Variants in HERC2 observed in about 807,000 individuals in gnomAD.
The protein encoded by HERC2 is E3 ubiquitin-protein ligase HERC2.
In HERC2, 102 loss-of-function variants were observed where a neutral mutation model predicts 537.7. The observed-to-expected ratio is 0.19, with a 90% confidence interval of 0.16 to 0.22. HERC2 has a LOEUF of 0.22. HERC2 is among the 10% of genes least tolerant of loss of function. HERC2 has a pLI of 1.00. For missense variants in HERC2, 4,236 were observed against 6,198.2 expected, an observed-to-expected ratio of 0.68 and a Z score of 10.63; for synonymous variants, 2,224 against 2,466.2, an observed-to-expected ratio of 0.90 and a Z score of 2.91.
intron 3 of HERC2, among the ~76,000 whole-genome samples, chr15:28,297,956 G>T (rs1269601697): frequency 6.7e-6 from 1 of 149,044 alleles, no homozygotes; most frequent in Non-Finnish European, 1.5e-5. Context: ...TACGGTGGCA[G>T]AACATGGAGG....
Position 28,111,642 on chromosome 15 carries a change from T to C in HERC2, c.*121A>G, listed in dbSNP as rs1179035360. Reference sequence around the variant, plus strand: ...GCCAGTCAGTCTCTCCACTCCCTCCTCCCGCCTGGCTCGAGGACGGACGCT... The same window carrying C: ...GCCAGTCAGTCTCTCCACTCCCTCCCCCCGCCTGGCTCGAGGACGGACGCT... On this transcript the variant is annotated 3_prime_UTR_variant, in exon 93 of 93. Transcript: ENST00000261609. 6 of 1,058,966 alleles carry C rather than the reference T, an allele frequency of 5.7e-6. No individual in the cohort carries two copies. The highest frequency in any genetic ancestry group is 2.3e-5 in the Admixed American group (1 of 43,768). The allele number at this position is 1,058,966 out of a possible 1,614,324, so 65.6% of individuals were successfully genotyped here.
intron 69 of HERC2, among the ~76,000 whole-genome samples, chr15:28,156,806 G>A (rs1215795502): frequency 1.3e-5 from 2 of 152,222 alleles, no homozygotes; most frequent in Non-Finnish European, 2.9e-5. Context: ...GGAGTGGTGA[G>A]AGAGGGCATC....
intron 2 of HERC2, among the ~76,000 whole-genome samples, chr15:28,301,609 T>C (rs1173115084): frequency 1.4e-5 from 2 of 146,598 alleles, no homozygotes; most frequent in Admixed American, 6.8e-5. Context: ...GAAAACTGCG[T>C]ATGCGACAGA....
At chr15:28,300,943 A>G (rs1356230353) in intron 2 of HERC2, among the ~76,000 whole-genome samples, 2 of 150,336 alleles carry the variant, frequency 1.3e-5, no homozygotes, top group East Asian at 3.9e-4. Flanking sequence ...ATTTTTGAAT[A>G]TATTTGCTTA....
intron 81 of HERC2, 21 bp downstream of exon 81, chr15:28,132,079 C>G: frequency 6.4e-7 from 1 of 1,568,180 alleles, no homozygotes; most frequent in Non-Finnish European, 8.7e-7. Flanking sequence ...GAGCACTGGG[C>G]AGGGAAAGAA....
intron 67 of HERC2, among the ~76,000 whole-genome samples, 199 bp from the exon 68 acceptor site, chr15:28,168,026 C>G (rs1204052801): frequency 6.6e-6 from 1 of 152,160 alleles, no homozygotes; most frequent in Non-Finnish European, 1.5e-5. Context: ...TTTGCAAAGT[C>G]AAGCACATTC....
intron 69 of HERC2, among the ~76,000 whole-genome samples, chr15:28,154,665 C>A (rs902942244): frequency 6.6e-6 from 1 of 152,160 alleles, no homozygotes; most frequent in African/African-American, 2.4e-5. Flanking sequence ...CCAGCAGTAA[C>A]CTCTCAGCCT....
intron 69 of HERC2, among the ~76,000 whole-genome samples, chr15:28,155,401 A>G (rs1195496234): frequency 6.6e-6 from 1 of 152,038 alleles, no homozygotes; most frequent in African/African-American, 2.4e-5. Flanking sequence ...AAGTGCTCCT[A>G]TTTCTCCACA....
At chr15:28,295,795 A>G (rs1370237485) in intron 3 of HERC2, among the ~76,000 whole-genome samples, 3 of 152,202 alleles carry the variant, frequency 2.0e-5, no homozygotes, top group African/African-American at 2.4e-5. Flanking sequence ...TTTCGTGTCC[A>G]TAAATAAAGT....
chr15:28,152,919 C>T, intron 69 of HERC2, 89 bp from the exon 70 acceptor site: 1 of 1,324,912 alleles, frequency 7.5e-7, no homozygotes, highest in Non-Finnish European at 1.0e-6. Flanking sequence ...TGCTCAGGAG[C>T]TCCACAAGGA....
rs2142492730 is a variant in HERC2, at chr15:28,167,819, G to A, written c.10422C>T (p.Ser3474=). The change falls in exon 68 of 93, where the codon TCC becomes TCT. Residue 3474 remains serine (S), a synonymous_variant. Coordinates refer to ENST00000261609, the MANE Select transcript of HERC2 (RefSeq NM_004667.6). Reference sequence around the variant, plus strand: ...CAGAGGGGGTCACTGCGTCCTCAGAGGAAACAATCTAGTCCAAGAGTGCAC... The same window carrying A: ...CAGAGGGGGTCACTGCGTCCTCAGAAGAAACAATCTAGTCCAAGAGTGCAC... The part of the protein sequence containing the change: ...NPWQEKREIV[S]SEDAVTPSAV... The A allele has an allele frequency of 1.2e-6, 2 of 1,612,704 alleles. No homozygotes were observed. Among genetic ancestry groups the A allele is most frequent in the Middle Eastern group, 1.7e-4 (1 of 6,052 alleles).
chr15:28,247,164 GA>G (rs1166024333), intron 21 of HERC2, among the ~76,000 whole-genome samples: 1 of 151,144 alleles, frequency 6.6e-6, no homozygotes, highest in African/African-American at 2.5e-5. Context: ...TTAATTTAAA[GA>G]TTTTTTTTTT....
chr15:28,238,261 G>A, intron 24 of HERC2, 44 bp from the exon 25 acceptor site: 2 of 1,313,528 alleles, frequency 1.5e-6, no homozygotes, highest in Non-Finnish European at 2.2e-6. Context: ...AATTCAGCTT[G>A]CCTGAAGAGA....
At chr15:28,317,229 T>G (rs1222670797) in intron 2 of HERC2, among the ~76,000 whole-genome samples, 4 of 152,152 alleles carry the variant, frequency 2.6e-5, no homozygotes, top group African/African-American at 9.7e-5. Context: ...TAGCTGGGAT[T>G]ACAAGCGCAC....
At chr15:28,254,760 C>A (rs1237306694) in intron 19 of HERC2, among the ~76,000 whole-genome samples, 5 of 152,232 alleles carry the variant, frequency 3.3e-5, no homozygotes, top group Admixed American at 3.3e-4. Flanking sequence ...CTCCAGCATC[C>A]TTCTGTGAAG....
chr15:28,174,639 A>C lies in HERC2; in HGVS notation c.9832-19T>G. The C allele has an allele frequency of 6.7e-7, 1 of 1,496,180 alleles. No homozygotes were observed. The highest frequency in any genetic ancestry group is 9.2e-7 in the Non-Finnish European group (1 of 1,084,318). The allele number at this position is 1,496,180 out of a possible 1,614,324, so 92.7% of individuals were successfully genotyped here. On this transcript the variant is annotated intron_variant, in intron 64 of 92. Transcript: ENST00000261609. ...CATACACCTGTTTACGAGGAGAAAA[A>C]AGCTTATAATTTTTCAACATTTCAG...
In HERC2 at chr15:28,265,925, C is replaced by A; in HGVS notation, c.1648G>T (p.Gly550Trp). The change falls in exon 13 of 93, where the codon GGG (glycine) becomes TGG (tryptophan). Residue 550 changes from glycine to tryptophan, a missense_variant. By Grantham distance (184) the Gly-to-Trp change is radical. Coordinates refer to ENST00000261609, the MANE Select transcript of HERC2 (RefSeq NM_004667.6). The surrounding 1 kb of genome is among the most constrained non-coding windows in gnomAD (Gnocchi z 4.0). ...VISAFSGKQA[G>W]KHVVHIACGS... ...CAAGCGATGTGCACCACGTGCTTCCCGGCCTGCTTTCCAGAGAAGGCGGAG... is the reference window on the plus strand; with the variant it reads ...CAAGCGATGTGCACCACGTGCTTCCAGGCCTGCTTTCCAGAGAAGGCGGAG... The A allele has an allele frequency of 1.2e-6, 2 of 1,614,172 alleles. No homozygotes were observed. The highest frequency in any genetic ancestry group is 1.7e-6 in the Non-Finnish European group (2 of 1,180,040).
chr15:28,148,791 G>A lies in HERC2; in HGVS notation c.10901-2447C>T, dbSNP rs111232039. On this transcript the variant is annotated intron_variant, in intron 70 of 92. Transcript: ENST00000261609. ...GCGGCTTCTAACCGAGAGCATCACC[G>A]AGAACGGCCACACGAACGTACATTC... Among the ~76,000 whole-genome samples, 536 of 150,950 alleles carry A rather than the reference G, an allele frequency of 3.6e-3. 5 individuals are homozygous for A. The highest frequency in any genetic ancestry group is 4.8e-3 in the Non-Finnish European group (324 of 67,822).
intron 20 of HERC2, among the ~76,000 whole-genome samples, chr15:28,251,755 A>G (rs2075091627): frequency 6.6e-6 from 1 of 152,040 alleles, no homozygotes; most frequent in Non-Finnish European, 1.5e-5. Flanking sequence ...AGCCAAGATT[A>G]TGCAACCGCA....
Sources: allele counts gnomAD v4.1 joint callset (sites outside exome capture counted in the v4.1 genomes callset), GRCh38; gene constraint gnomAD v4.1.1; non-coding constraint Gnocchi (gnomAD v3.1); transcripts MANE v1.5; gene names NCBI Gene and HGNC (gene_info 2026-07-23, HGNC 2026-07-21).